The following THSD7B variants were observed in gnomAD, a reference collection of about 807,000 sequenced individuals.
THSD7B encodes thrombospondin type 1 domain containing 7B, also known as thrombospondin type-1 domain-containing protein 7B.
A neutral mutation model predicts 213.6 loss-of-function variants in THSD7B; 138 were observed. The observed-to-expected ratio is 0.65, with a 90% confidence interval of 0.56 to 0.74. The LOEUF (loss-of-function observed/expected upper bound fraction) is 0.74, where lower values mean the gene tolerates loss of function less well. Ranked by LOEUF, THSD7B falls within the 30% of genes least tolerant of loss-of-function variation. THSD7B has a pLI of 0.00. For missense variants in THSD7B, 1,931 were observed against 1,991.5 expected (o/e 0.97, Z 0.58); for synonymous variants, 742 against 687.0 (o/e 1.08, Z -1.25).
chr2:136,937,340 G>C (rs1272161031), intron 2 of THSD7B, among the ~76,000 whole-genome samples: 1 of 151,552 alleles, frequency 6.6e-6, no homozygotes, highest in East Asian at 1.9e-4. Flanking sequence ...CCCGCCACCC[G>C]CTGTTCTACC....
intron 2 of THSD7B, among the ~76,000 whole-genome samples, chr2:136,904,292 G>A (rs925280134): frequency 3.9e-5 from 6 of 152,056 alleles, no homozygotes; most frequent in African/African-American, 1.4e-4. Flanking sequence ...AAGTGTCTGA[G>A]TAAATGAGTC....
rs1350178354 is a variant in THSD7B at position 137,001,008 on chromosome 2, A to T, written c.140-55412A>T. 3.3e-5 allele frequency among the ~76,000 whole-genome samples: 5 copies of T among 152,250 alleles called. No individual in the cohort carries two copies. In the East Asian group the frequency reaches 9.6e-4, roughly 29 times the overall value. On this transcript the variant is annotated intron_variant, in intron 2 of 27. Transcript: ENST00000409968. Reference sequence around the variant, plus strand: ...TTACTTATCCACCCTCCAGGTAGCAATACTATGTTTACATTACAGAATAAA... The same window carrying T: ...TTACTTATCCACCCTCCAGGTAGCATTACTATGTTTACATTACAGAATAAA...
At chr2:136,817,056 G>A (rs1458107804) in intron 1 of THSD7B, among the ~76,000 whole-genome samples, 5 of 152,128 alleles carry the variant, frequency 3.3e-5, no homozygotes, top group Admixed American at 2.0e-4. Flanking sequence ...TTTCCTCAAT[G>A]TGTAGAAGCC....
intron 1 of THSD7B, among the ~76,000 whole-genome samples, chr2:136,832,189 G>GTA: frequency 1.3e-5 from 1 of 79,456 alleles, no homozygotes; most frequent in South Asian, 4.3e-4. Context: ...GTGTGTGTGT[G>GTA]TGTGTGTGTG....
chr2:136,970,754 C>T lies in THSD7B; in HGVS notation c.140-85666C>T, dbSNP rs762869323. On this transcript the variant is annotated intron_variant, in intron 2 of 27. Transcript: ENST00000409968. The stretch of plus-strand genomic sequence containing the variant: ...ACTCCGAAGTGCAAATCTTGATTTA[C>T]AGAATACCAGACATAAAGAGAACAT... Among the ~76,000 whole-genome samples the T allele has an allele frequency of 1.2e-4, 19 of 152,018 alleles. 1 individual carries two copies. The highest frequency in any genetic ancestry group is 3.9e-4 in the Admixed American group (6 of 15,262).
At chr2:137,179,574 A>G (rs1218938519) in intron 7 of THSD7B, among the ~76,000 whole-genome samples, 46 of 152,158 alleles carry the variant, frequency 3.0e-4, no homozygotes, top group African/African-American at 1.1e-3. Context: ...TAGTGGGGAA[A>G]AAAAAAAAGC....
intron 10 of THSD7B, among the ~76,000 whole-genome samples, chr2:137,264,800 CT>C (rs954463205): frequency 6.3e-4 from 91 of 144,504 alleles, no homozygotes; most frequent in African/African-American, 1.2e-3. Context: ...AAAGAGCCTT[CT>C]TTTTTTTTTT....
intron 14 of THSD7B, among the ~76,000 whole-genome samples, chr2:137,424,940 C>T (rs191967383): frequency 4.6e-4 from 70 of 151,746 alleles, no homozygotes; most frequent in Admixed American, 2.8e-3. Flanking sequence ...GGCATGGTGG[C>T]AGTCACCTGT....
intron 12 of THSD7B, among the ~76,000 whole-genome samples, chr2:137,331,958 C>T (rs1042287152): frequency 4.6e-5 from 7 of 152,168 alleles, no homozygotes; most frequent in African/African-American, 1.4e-4. Flanking sequence ...ACAAGCGCCG[C>T]ACACAGCCCC....
In THSD7B at chr2:137,054,960, G is replaced by T. The variant is rs1004271411; in HGVS notation, c.140-1460G>T. Among the ~76,000 whole-genome samples the T allele has an allele frequency of 2.6e-5, 4 of 151,878 alleles. No homozygotes were observed. The East Asian group carries it at 5.8e-4, about 22-fold the overall frequency. ...CCCCATACCACGACAGGCCCTGGTG[G>T]GTGATATTCCCCTCCCTGTGTCCAT... On this transcript the variant is annotated intron_variant, in intron 2 of 27. Coordinates refer to ENST00000409968, the MANE Select transcript of THSD7B (RefSeq NM_001316349.2).
chr2:137,419,377 T>TTTTTTTTTTTTTTTTTTTTTTTTTTTGA lies in THSD7B; in HGVS notation c.2959+7505_2959+7506insTTTTTTTTTTTTTTTTTTTTTTTTTTGA, dbSNP rs1386654895. 1.6e-4 allele frequency among the ~76,000 whole-genome samples: 12 copies of TTTTTTTTTTTTTTTTTTTTTTTTTTTGA among 77,248 alleles called. 2 individuals carry two copies. Among genetic ancestry groups the TTTTTTTTTTTTTTTTTTTTTTTTTTTGA allele is most frequent in the East Asian group, 1.3e-3 (2 of 1,494 alleles). The allele number at this position is 77,248 out of a possible 152,430, so 50.7% of individuals were successfully genotyped here. On this transcript the variant is annotated intron_variant, in intron 14 of 27. Coordinates refer to ENST00000409968, the MANE Select transcript of THSD7B (RefSeq NM_001316349.2). ...CCACTTTTGGTGGGTCCTGAGTTCT[T>TTTTTTTTTTTTTTTTTTTTTTTTTTTGA]GTCCCACATCAAAGAAGAATGAGGA...
chr2:137,570,333 G>C (rs914417161), intron 16 of THSD7B, among the ~76,000 whole-genome samples: 3 of 151,532 alleles, frequency 2.0e-5, no homozygotes, highest in African/African-American at 7.3e-5. Flanking sequence ...TTTTGAGACG[G>C]AGTCTCGCCC....
rs566675176 is a variant in THSD7B at position 137,487,953 on chromosome 2, C to T, written c.3138+36930C>T. Among the ~76,000 whole-genome samples the T allele has an allele frequency of 2.1e-4, 7 of 33,660 alleles. 3 individuals are homozygous for T. The highest frequency in any genetic ancestry group is 5.9e-4 in the Non-Finnish European group (7 of 11,774). 22.1% of individuals were successfully genotyped at this position (33,660 alleles called of 152,430 possible). On this transcript the variant is annotated intron_variant, in intron 15 of 27. Transcript: ENST00000409968. ...TAATTTTTTGTATTTTTAGTAGAGACGGGGTTTCACCGTTTTAGCCGGGAT... is the reference window on the plus strand; with the variant it reads ...TAATTTTTTGTATTTTTAGTAGAGATGGGGTTTCACCGTTTTAGCCGGGAT...
At chr2:137,585,595 T>C (rs57174881) in intron 17 of THSD7B, among the ~76,000 whole-genome samples, 4,323 of 152,296 alleles carry the variant, frequency 0.028, 160 homozygotes, top group African/African-American at 0.086. Flanking sequence ...TTTTGTTATA[T>C]ACCCAGTAGT....
At chr2:136,926,949 T>G (rs529921489) in intron 2 of THSD7B, among the ~76,000 whole-genome samples, 30 of 152,338 alleles carry the variant, frequency 2.0e-4, no homozygotes, top group African/African-American at 7.0e-4. Context: ...CTCCAATTTC[T>G]GAATTGGTTC....
chr2:137,623,631 T>C (rs1189479164), intron 20 of THSD7B, among the ~76,000 whole-genome samples: 1 of 152,116 alleles, frequency 6.6e-6, no homozygotes, highest in African/African-American at 2.4e-5. Flanking sequence ...TTCAGCAAAA[T>C]CTCAGGATAC....
chr2:137,021,460 T>A (rs906573470), intron 2 of THSD7B, among the ~76,000 whole-genome samples: 1 of 152,212 alleles, frequency 6.6e-6, no homozygotes. Flanking sequence ...TAATTTACAC[T>A]TAAAAACTGA....
chr2:137,050,151 T>A (rs2104870628), intron 2 of THSD7B, among the ~76,000 whole-genome samples: 1 of 152,334 alleles, frequency 6.6e-6, no homozygotes, highest in South Asian at 2.1e-4. Flanking sequence ...GATGTAGGTT[T>A]TAGTGATCCT....
At chr2:137,353,648 G>A (rs780470233) in intron 12 of THSD7B, among the ~76,000 whole-genome samples, 19 of 152,050 alleles carry the variant, frequency 1.2e-4, no homozygotes, top group Non-Finnish European at 2.1e-4. Context: ...TAAGTGTTTT[G>A]CAGTGAGAAT....
Sources: allele counts gnomAD v4.1 joint callset (sites outside exome capture counted in the v4.1 genomes callset), GRCh38; gene constraint gnomAD v4.1.1; transcripts MANE v1.5; gene names NCBI Gene and HGNC (gene_info 2026-07-23, HGNC 2026-07-21).